The following SLC36A1 variants were observed in gnomAD, a reference collection of about 807,000 sequenced individuals.
SLC36A1 encodes the protein proton-coupled amino acid transporter 1.
SLC36A1 carries 30 observed loss-of-function variants against 47.5 expected under a neutral mutation model. The observed-to-expected ratio is 0.63, with a 90% confidence interval of 0.47 to 0.86. SLC36A1 has a LOEUF of 0.86. SLC36A1 is among the 40% of genes least tolerant of loss of function. The probability of loss-of-function intolerance (pLI) is 0.00; values close to 1 mark genes in which losing one functional copy is unlikely to be tolerated. For synonymous variants in SLC36A1, 255 were observed against 249.7 expected, an observed-to-expected ratio of 1.02 and a Z score of -0.20; for missense variants, 517 against 606.0, an observed-to-expected ratio of 0.85 and a Z score of 1.54.
At chr5:151,480,046 C>T in intron 10 of SLC36A1, 1 of 1,428,142 alleles carries the variant, frequency 7.0e-7, no homozygotes, top group South Asian at 1.3e-5. Context: ...TTCTCTCAAC[C>T]CCATTCCCAG....
rs1759940466 is a variant in SLC36A1, at chr5:151,489,565, C to G, written c.*1311C>G. 1 of 152,632 alleles carries G rather than the reference C, an allele frequency of 6.6e-6. No individual in the cohort carries two copies. 9.5% of individuals were successfully genotyped at this position (152,632 alleles called of 1,614,324 possible). A position where few individuals can be genotyped will look rare whatever the true frequency, so the allele number is the denominator to read the frequency against. The stretch of plus-strand genomic sequence containing the variant: ...GACTTTGAAAGGAACCCACTGAACA[C>G]TAATTATGAGCCCTGTCTTTCCCCC... On this transcript the variant is annotated 3_prime_UTR_variant, in exon 11 of 11. Transcript: ENST00000243389. The surrounding 1 kb of genome is among the most constrained non-coding windows in gnomAD (Gnocchi z 4.5).
the SLC36A1 span, among the ~76,000 whole-genome samples, chr5:151,399,084 A>ATATATATATATATATATTTTTT: frequency 2.2e-4 from 13 of 60,058 alleles, no homozygotes; most frequent in African/African-American, 6.7e-4. Context: ...ATATATATAT[A>ATATATATATATATATATTTTTT]TTTTTTTTTT....
chr5:151,460,400 G>T (rs1229176521), intron 2 of SLC36A1, among the ~76,000 whole-genome samples: 1 of 152,204 alleles, frequency 6.6e-6, no homozygotes, highest in Non-Finnish European at 1.5e-5. Context: ...GTAGCTCATA[G>T]GTTTTGGACA....
At chr5:151,513,270 A>T in the SLC36A1 span, among the ~76,000 whole-genome samples, 1 of 152,244 alleles carries the variant, frequency 6.6e-6, no homozygotes, top group African/African-American at 2.4e-5. Context: ...TATTTTTCAT[A>T]AAAATATATA....
the SLC36A1 span, among the ~76,000 whole-genome samples, chr5:151,538,928 C>T: frequency 2.2e-4 from 33 of 152,056 alleles, no homozygotes; most frequent in African/African-American, 7.2e-4. Flanking sequence ...TCAGGTGATC[C>T]GCCTGCCTCG....
chr5:151,464,991 G>A, intron 4 of SLC36A1, 83 bp from the exon 5 acceptor site: 1 of 1,087,230 alleles, frequency 9.2e-7, no homozygotes, highest in Non-Finnish European at 1.4e-6. Flanking sequence ...AACTGGCCCA[G>A]GTCTCAGTGG....
At chr5:151,424,422 G>A in the SLC36A1 span, among the ~76,000 whole-genome samples, 2 of 152,336 alleles carry the variant, frequency 1.3e-5, no homozygotes, top group Non-Finnish European at 1.5e-5. Context: ...AAGAAGGTAG[G>A]AAGGGAAGAC....
At chr5:151,484,379 T>C (rs1187687089) in intron 10 of SLC36A1, among the ~76,000 whole-genome samples, 1 of 152,096 alleles carries the variant, frequency 6.6e-6, no homozygotes, top group African/African-American at 2.4e-5. Context: ...CAAAACCGAG[T>C]GGGTTAGAAG....
At chr5:151,399,989 A>G in the SLC36A1 span, among the ~76,000 whole-genome samples, 1 of 152,194 alleles carries the variant, frequency 6.6e-6, no homozygotes, top group Non-Finnish European at 1.5e-5. Flanking sequence ...TGAGTCTCAA[A>G]GAGGTTTTTA....
chr5:151,445,694 A>G (rs1752876660), upstream of SLC36A1, among the ~76,000 whole-genome samples: 1 of 152,100 alleles, frequency 6.6e-6, no homozygotes, highest in African/African-American at 2.4e-5. Context: ...CAGGCTTTCC[A>G]TTTCTTCCTG....
chr5:151,505,771 G>A, the SLC36A1 span: 98 of 1,613,820 alleles, frequency 6.1e-5, no homozygotes, highest in East Asian at 1.3e-4. Context: ...CCTCCCTGCC[G>A]GAACTGCGAG....
At chr5:151,444,666 A>G (rs941150818), upstream of SLC36A1, among the ~76,000 whole-genome samples, 26 of 152,050 alleles carry the variant, frequency 1.7e-4, no homozygotes, top group Non-Finnish European at 1.0e-4. Context: ...TTGTATTTTT[A>G]GTAGAGACAG....
the SLC36A1 span, among the ~76,000 whole-genome samples, chr5:151,426,398 A>G: frequency 1.0e-3 from 153 of 151,982 alleles, no homozygotes; most frequent in Middle Eastern, 3.4e-3. Flanking sequence ...TGGTGGGGAG[A>G]GGGTCAACAG....
chr5:151,364,655 A>C, the SLC36A1 span, among the ~76,000 whole-genome samples: 1 of 152,230 alleles, frequency 6.6e-6, no homozygotes, highest in Admixed American at 6.5e-5. Context: ...GGTCACTGAG[A>C]GATTTAGTCA....
the SLC36A1 span, among the ~76,000 whole-genome samples, chr5:151,555,233 C>T: frequency 6.6e-6 from 1 of 152,094 alleles, no homozygotes; most frequent in Non-Finnish European, 1.5e-5. Context: ...GAGATTTCCA[C>T]CTGAAATGGT....
upstream of SLC36A1, among the ~76,000 whole-genome samples, chr5:151,442,831 T>G (rs1329600469): frequency 3.9e-5 from 6 of 152,142 alleles, no homozygotes; most frequent in Non-Finnish European, 2.9e-5. Flanking sequence ...CACCACTGTT[T>G]GATTCTCTAT....
the SLC36A1 span, chr5:151,505,945 C>T: frequency 6.3e-7 from 1 of 1,580,394 alleles, no homozygotes; most frequent in Non-Finnish European, 8.6e-7. Context: ...GGGAAGCCCC[C>T]ATAGAGGCCA....
the SLC36A1 span, among the ~76,000 whole-genome samples, chr5:151,430,877 T>C: frequency 3.3e-5 from 5 of 152,162 alleles, no homozygotes; most frequent in Admixed American, 6.6e-5. Flanking sequence ...ATTTTCACCA[T>C]CTGGAAATAA....
At chr5:151,429,855 A>C in the SLC36A1 span, among the ~76,000 whole-genome samples, 1 of 152,178 alleles carries the variant, frequency 6.6e-6, no homozygotes, top group Non-Finnish European at 1.5e-5. Context: ...GGCCTCTTAG[A>C]CCTTCAAGGA....
Sources: allele counts gnomAD v4.1 joint callset (sites outside exome capture counted in the v4.1 genomes callset), GRCh38; gene constraint gnomAD v4.1.1; non-coding constraint Gnocchi (gnomAD v3.1); transcripts MANE v1.5; gene names NCBI Gene and HGNC (gene_info 2026-07-23, HGNC 2026-07-21).